Variants in ZNF136 observed in about 807,000 individuals in gnomAD.
ZNF136 encodes zinc finger protein 136, also known as zinc finger protein 136 (clone pHZ-20).
Under a neutral mutation model 11.4 loss-of-function variants are expected in ZNF136, and 8 were observed. The ratio of observed to expected loss-of-function variants is 0.70; its 90% CI spans 0.41 to 1.27. The LOEUF is 1.27. Ranked by LOEUF, ZNF136 falls within the 50% of genes most tolerant of loss-of-function variation. The pLI is 0.01. For synonymous variants in ZNF136, 190 were observed against 207.1 expected, an observed-to-expected ratio of 0.92 and a Z score of 0.71; for missense variants, 590 against 656.5, an observed-to-expected ratio of 0.90 and a Z score of 1.11.
At chr19:12,163,696 AC>A (rs1481619892) in intron 1 of ZNF136, 9 of 158,560 alleles carry the variant, frequency 5.7e-5, no homozygotes, top group Admixed American at 5.2e-4. Flanking sequence ...GCTTTTCCAA[AC>A]GCCAACCTCT....
chr19:12,174,210 C>T (rs1279490457), intron 1 of ZNF136, among the ~76,000 whole-genome samples: 2 of 152,118 alleles, frequency 1.3e-5, no homozygotes, highest in East Asian at 3.9e-4. Context: ...TGGCCAATTA[C>T]TTGCTTTTTG....
intron 1 of ZNF136, among the ~76,000 whole-genome samples, chr19:12,168,486 G>A (rs998199130): frequency 6.6e-6 from 1 of 152,062 alleles, no homozygotes; most frequent in Non-Finnish European, 1.5e-5. Context: ...TGAACGCAGT[G>A]ATGTTCTAGG....
At chr19:12,172,707 G>A (rs1914690090) in intron 1 of ZNF136, among the ~76,000 whole-genome samples, 1 of 152,094 alleles carries the variant, frequency 6.6e-6, no homozygotes, top group Non-Finnish European at 1.5e-5. Flanking sequence ...ATAACAGAAG[G>A]AGTTTATTAC....
intron 1 of ZNF136, among the ~76,000 whole-genome samples, chr19:12,180,447 A>T (rs1409060334): frequency 6.6e-6 from 1 of 152,200 alleles, no homozygotes; most frequent in Non-Finnish European, 1.5e-5. Flanking sequence ...CCTGGTGCTT[A>T]TATTTTTGTG....
chr19:12,166,728 C>T (rs1977191725), intron 1 of ZNF136, among the ~76,000 whole-genome samples: 1 of 152,148 alleles, frequency 6.6e-6, no homozygotes, highest in Non-Finnish European at 1.5e-5. Context: ...TTTTTCTGTT[C>T]AGCTATGATG....
At chr19:12,184,057 G>A (rs1915020086) in intron 1 of ZNF136, among the ~76,000 whole-genome samples, 1 of 151,740 alleles carries the variant, frequency 6.6e-6, no homozygotes, top group Admixed American at 6.6e-5. Context: ...CTTGCGGTCA[G>A]GAGTTTGGGT....
At position 12,187,552 on chromosome 19, in the gene ZNF136, T is replaced by C; in HGVS notation, c.1174T>C (p.Tyr392His). 1 of 1,614,008 alleles carries C rather than the reference T, an allele frequency of 6.2e-7. No individual in the cohort carries two copies. Residue 392 changes from tyrosine to histidine, a missense_variant, in exon 4 of 4, where the codon TAT becomes CAT. Coordinates refer to ENST00000343979, the MANE Select transcript of ZNF136 (RefSeq NM_003437.5). ...GATAAAACATACTGGAGAAGGACCT[T>C]ATAAATGTAAGGTATGTGGGAAACC... Reference protein sequence around the residue: ...HMIKHTGEGPYKCKVCGKPFH... With the variant: ...HMIKHTGEGPHKCKVCGKPFH...
rs762847565 is a variant in ZNF136 at position 12,187,616 on chromosome 19, C to G, written c.1238C>G (p.Thr413Ser). ...SLSPFRIHERTHTGEKPYVCK... is the reference protein window; with the variant it reads ...SLSPFRIHERSHTGEKPYVCK... The stretch of plus-strand genomic sequence containing the variant: ...AGTCCATTTCGAATACATGAAAGAA[C>G]TCACACTGGAGAGAAACCTTATGTA... The change falls in exon 4 of 4, where the codon ACT becomes AGT. Residue 413 changes from threonine to serine, a missense_variant. Transcript: ENST00000343979. The G allele has an allele frequency of 3.2e-5, 51 of 1,613,796 alleles. No individual in the cohort carries two copies. Among genetic ancestry groups the G allele is most frequent in the Non-Finnish European group, 4.2e-5 (49 of 1,179,962 alleles).
Position 12,170,644 on chromosome 19 carries a change from C to T in ZNF136, c.3+7438C>T, listed in dbSNP as rs920249373. On this transcript the variant is annotated intron_variant, in intron 1 of 3. Coordinates refer to ENST00000343979, the MANE Select transcript of ZNF136 (RefSeq NM_003437.5). Reference sequence around the variant, plus strand: ...GCACTGGGATTATAGGCATGAGCCACTGTGCCCAGCCATGCTTCATAAATT... The same window carrying T: ...GCACTGGGATTATAGGCATGAGCCATTGTGCCCAGCCATGCTTCATAAATT... Among the ~76,000 whole-genome samples, 13 of 151,004 alleles carry T rather than the reference C, an allele frequency of 8.6e-5. 1 individual carries two copies. Among genetic ancestry groups the T allele is most frequent in the African/African-American group, 2.2e-4 (9 of 40,830 alleles).
At chr19:12,182,423 G>T (rs1341864213) in intron 1 of ZNF136, among the ~76,000 whole-genome samples, 1 of 152,200 alleles carries the variant, frequency 6.6e-6, no homozygotes, top group Non-Finnish European at 1.5e-5. Context: ...TCTCTTGGAG[G>T]GTCTAGTGAG....
intron 1 of ZNF136, among the ~76,000 whole-genome samples, chr19:12,166,207 G>T (rs1445777265): frequency 6.6e-6 from 1 of 151,136 alleles, no homozygotes; most frequent in Non-Finnish European, 1.5e-5. Context: ...CAGCCTGGGT[G>T]ACAGAGCAAG....
chr19:12,180,578 C>T (rs1463678748), intron 1 of ZNF136, among the ~76,000 whole-genome samples: 1 of 152,108 alleles, frequency 6.6e-6, no homozygotes, highest in East Asian at 1.9e-4. Context: ...TATATGTTCT[C>T]TGTGGAGGGT....
At chr19:12,179,000 A>C (rs576197148) in intron 1 of ZNF136, among the ~76,000 whole-genome samples, 126 of 152,192 alleles carry the variant, frequency 8.3e-4, no homozygotes, top group African/African-American at 2.9e-3. Flanking sequence ...CAAAAGAAAA[A>C]AAAGAAAGAA....
At chr19:12,164,537 G>C (rs1184046269) in intron 1 of ZNF136, 6 of 151,718 alleles carry the variant, frequency 4.0e-5, no homozygotes, top group African/African-American at 1.5e-4. Context: ...CTGCCTCCCG[G>C]ATTCAAGCGA....
intron 2 of ZNF136, 34 bp downstream of exon 2, chr19:12,185,945 AAAG>A (rs1482170893): frequency 6.2e-6 from 10 of 1,610,382 alleles, no homozygotes; most frequent in East Asian, 2.2e-5. Flanking sequence ...CTTAGCAATT[AAAG>A]AAGAAGTGCT....
chr19:12,177,153 C>T (rs1326247409), intron 1 of ZNF136, among the ~76,000 whole-genome samples: 1 of 152,120 alleles, frequency 6.6e-6, no homozygotes, highest in Admixed American at 6.5e-5. Context: ...TCATGGATAC[C>T]TTATTTCAGG....
chr19:12,172,875 G>C (rs370533976), intron 1 of ZNF136, among the ~76,000 whole-genome samples: 1 of 152,122 alleles, frequency 6.6e-6, no homozygotes. Flanking sequence ...AGCTGGGTGT[G>C]ATGGTGCGTG....
intron 1 of ZNF136, among the ~76,000 whole-genome samples, chr19:12,171,922 C>G (rs1914663482): frequency 6.6e-6 from 1 of 151,212 alleles, no homozygotes; most frequent in South Asian, 2.1e-4. Context: ...AAAATTGTAA[C>G]TTATGAAAGT....
intron 1 of ZNF136, among the ~76,000 whole-genome samples, chr19:12,178,162 G>C (rs949717242): frequency 6.6e-6 from 1 of 152,196 alleles, no homozygotes; most frequent in African/African-American, 2.4e-5. Flanking sequence ...CTATTGAGCT[G>C]TTTGAATTCT....
Sources: allele counts gnomAD v4.1 joint callset (sites outside exome capture counted in the v4.1 genomes callset), GRCh38; gene constraint gnomAD v4.1.1; transcripts MANE v1.5; gene names NCBI Gene and HGNC (gene_info 2026-07-23, HGNC 2026-07-21).